Variants in LDB2 observed in about 807,000 individuals in gnomAD.
The protein encoded by LDB2 is LIM domain binding 2.
LDB2 carries 12 observed loss-of-function variants against 44.3 expected under a neutral mutation model. That is an observed-to-expected ratio of 0.27 (90% CI 0.17 to 0.44). The LOEUF is 0.44. LDB2 is among the 20% of genes least tolerant of loss of function. The pLI, the probability that LDB2 is intolerant of heterozygous loss-of-function variation, is 1.00. For missense variants in LDB2, 344 were observed against 473.5 expected (o/e 0.73, Z 2.54); for synonymous variants, 164 against 174.8 (o/e 0.94, Z 0.49).
chr4:16,879,274 C>T (rs1332988338), intron 1 of LDB2, among the ~76,000 whole-genome samples: 1 of 152,166 alleles, frequency 6.6e-6, no homozygotes, highest in Non-Finnish European at 1.5e-5. Flanking sequence ...TCTGAGAAGG[C>T]AGCATTTTGG....
intron 2 of LDB2, among the ~76,000 whole-genome samples, chr4:16,757,436 G>A (rs1766902507): frequency 6.6e-6 from 1 of 152,166 alleles, no homozygotes; most frequent in Non-Finnish European, 1.5e-5. Flanking sequence ...ATCTTAAACA[G>A]GCGATGATCG....
chr4:16,897,288 CT>C (rs1208835350), intron 1 of LDB2, among the ~76,000 whole-genome samples: 2 of 152,152 alleles, frequency 1.3e-5, no homozygotes, highest in Admixed American at 6.5e-5. Flanking sequence ...TGGCATAAAT[CT>C]TGTGGTATTT....
intron 2 of LDB2, among the ~76,000 whole-genome samples, chr4:16,610,694 T>G (rs1725369411): frequency 6.6e-6 from 1 of 150,462 alleles, no homozygotes; most frequent in Non-Finnish European, 1.5e-5. Context: ...GAACAAAGCC[T>G]CCAAGAAATA....
chr4:16,519,144 G>A (rs778940026), intron 5 of LDB2, among the ~76,000 whole-genome samples: 17 of 152,044 alleles, frequency 1.1e-4, no homozygotes, highest in Non-Finnish European at 1.8e-4. Flanking sequence ...ATTTAACACG[G>A]TATTAGGTAT....
At chr4:16,577,952 A>T (rs1712449296) in intron 5 of LDB2, among the ~76,000 whole-genome samples, 1 of 152,214 alleles carries the variant, frequency 6.6e-6, no homozygotes, top group Admixed American at 6.5e-5. Context: ...TTCCAAGAAC[A>T]TACATTCAGG....
At chr4:16,799,424 C>A (rs935158922) in intron 1 of LDB2, among the ~76,000 whole-genome samples, 1 of 152,180 alleles carries the variant, frequency 6.6e-6, no homozygotes, top group African/African-American at 2.4e-5. Flanking sequence ...AAGCCCCATG[C>A]CCAGTTTCCT....
chr4:16,660,350 G>A (rs760460154), intron 2 of LDB2, among the ~76,000 whole-genome samples: 1 of 152,158 alleles, frequency 6.6e-6, no homozygotes, highest in Non-Finnish European at 1.5e-5. Context: ...CAGGCTCACT[G>A]AAACTCAATG....
intron 5 of LDB2, among the ~76,000 whole-genome samples, chr4:16,534,184 A>T (rs1730991334): frequency 6.6e-6 from 1 of 152,156 alleles, no homozygotes; most frequent in Non-Finnish European, 1.5e-5. Context: ...CAGGGAGGAA[A>T]CCCATTTTAA....
intron 2 of LDB2, among the ~76,000 whole-genome samples, chr4:16,681,621 T>A: frequency 1.5e-5 from 1 of 68,634 alleles, no homozygotes; most frequent in African/African-American, 5.2e-5. Context: ...TTCTATTCTT[T>A]TTTTTTTTTT....
intron 5 of LDB2, among the ~76,000 whole-genome samples, chr4:16,555,911 G>T (rs1739407429): frequency 6.6e-6 from 1 of 152,114 alleles, no homozygotes; most frequent in Admixed American, 6.5e-5. Context: ...ATCACCCCAT[G>T]CTCCAGCCAT....
chr4:16,612,416 G>A (rs531798461), intron 2 of LDB2, among the ~76,000 whole-genome samples: 9 of 152,128 alleles, frequency 5.9e-5, no homozygotes, highest in East Asian at 1.9e-4. Flanking sequence ...AACAATCAAC[G>A]AATCCAGGAG....
At chr4:16,687,185 G>A (rs895228838) in intron 2 of LDB2, among the ~76,000 whole-genome samples, 1 of 151,470 alleles carries the variant, frequency 6.6e-6, no homozygotes, top group Non-Finnish European at 1.5e-5. Flanking sequence ...TGTTATGGTC[G>A]ACATGTTTAT....
chr4:16,629,794 C>T (rs1731372280), intron 2 of LDB2, among the ~76,000 whole-genome samples: 2 of 151,824 alleles, frequency 1.3e-5, no homozygotes, highest in Non-Finnish European at 2.9e-5. Context: ...GAAGCATACA[C>T]AAGCTTCAAT....
intron 5 of LDB2, among the ~76,000 whole-genome samples, chr4:16,549,358 G>A (rs993330644): frequency 6.6e-6 from 1 of 152,162 alleles, no homozygotes; most frequent in African/African-American, 2.4e-5. Context: ...CACTGCTCTG[G>A]TTAGCAATTT....
intron 1 of LDB2, among the ~76,000 whole-genome samples, chr4:16,825,517 C>T (rs151220047): frequency 7.4e-4 from 113 of 152,182 alleles, no homozygotes; most frequent in African/African-American, 2.6e-3. Context: ...GAAAAGTGCT[C>T]CTTTTCTTCT....
chr4:16,790,731 C>T (rs1775531050), intron 1 of LDB2, among the ~76,000 whole-genome samples: 1 of 152,142 alleles, frequency 6.6e-6, no homozygotes, highest in Admixed American at 6.5e-5. Flanking sequence ...AGTTACAGCA[C>T]AGGAAATGTG....
rs1215761521 is a variant in LDB2 at position 16,516,289 on chromosome 4, A to G, written c.616-4185T>C. ...TACTGTTGTGAGAATTTGAGTTAATATGTCTAATGCATGACTATTTAATAA... is the reference window on the plus strand; with the variant it reads ...TACTGTTGTGAGAATTTGAGTTAATGTGTCTAATGCATGACTATTTAATAA... On this transcript the variant is annotated intron_variant, in intron 5 of 7. Transcript: ENST00000304523. 2.6e-5 allele frequency among the ~76,000 whole-genome samples: 4 copies of G among 152,340 alleles called. No homozygotes were observed. The South Asian group carries it at 6.2e-4, about 24-fold the overall frequency.
chr4:16,603,905 G>A (rs1496745), intron 2 of LDB2, among the ~76,000 whole-genome samples: 90,464 of 152,040 alleles, frequency 0.6, 27,418 homozygotes, highest in Middle Eastern at 0.72. Flanking sequence ...GTCTCACTCT[G>A]TCACCTGGGC....
At chr4:16,775,746 G>C (rs1258819996) in intron 1 of LDB2, among the ~76,000 whole-genome samples, 1 of 152,140 alleles carries the variant, frequency 6.6e-6, no homozygotes, top group Non-Finnish European at 1.5e-5. Flanking sequence ...CATGAGAAAT[G>C]AGACTGCAAA....
Sources: allele counts gnomAD v4.1 joint callset (sites outside exome capture counted in the v4.1 genomes callset), GRCh38; gene constraint gnomAD v4.1.1; transcripts MANE v1.5; gene names NCBI Gene and HGNC (gene_info 2026-07-23, HGNC 2026-07-21).